The following CYYR1 variants were observed in gnomAD, a reference collection of about 807,000 sequenced individuals.
CYYR1 encodes the protein cysteine and tyrosine rich 1, also known as cysteine and tyrosine-rich protein 1.
A neutral mutation model predicts 15.2 loss-of-function variants in CYYR1; 14 were observed. That is an observed-to-expected ratio of 0.92 (90% CI 0.61 to 1.44). The LOEUF (loss-of-function observed/expected upper bound fraction) is 1.44. CYYR1 is among the 40% of genes most tolerant of loss of function. The pLI, the probability that CYYR1 is intolerant of heterozygous loss-of-function variation, is 0.00. For missense variants in CYYR1, 228 were observed against 209.5 expected, an observed-to-expected ratio of 1.09 and a Z score of -0.54; for synonymous variants, 80 against 77.4, an observed-to-expected ratio of 1.03 and a Z score of -0.18.
Position 26,468,489 on chromosome 21 carries a change from CT to C in CYYR1, c.*11del, listed in dbSNP as rs749008286. 1 of 1,497,822 alleles carries C rather than the reference CT, an allele frequency of 6.7e-7. No individual in the cohort carries two copies. Among genetic ancestry groups the C allele is most frequent in the Non-Finnish European group, 9.3e-7 (1 of 1,073,900 alleles). 92.8% of individuals were successfully genotyped at this position (1,497,822 alleles called of 1,614,324 possible). A position where few individuals can be genotyped will look rare whatever the true frequency, so the allele number is the denominator to read the frequency against. On this transcript the variant is annotated 3_prime_UTR_variant, in exon 4 of 4. Coordinates refer to ENST00000652641, the MANE Select transcript of CYYR1 (RefSeq NM_001320768.2). ...ATCGCCCATTGGCACATGTTCTGTT[CT>C]GGGAGATAGATTATTTCCTTGCGTT...
intron 2 of CYYR1, chr21:26,483,314 C>T (rs1374816661): frequency 2.7e-5 from 8 of 294,852 alleles, no homozygotes; most frequent in East Asian, 3.4e-4. Flanking sequence ...TGTATTTCCT[C>T]GTCCTGTCTG....
At chr21:26,486,053 T>C (rs780929620) in intron 2 of CYYR1, among the ~76,000 whole-genome samples, 2 of 152,080 alleles carry the variant, frequency 1.3e-5, no homozygotes, top group African/African-American at 2.4e-5. Context: ...TTGAACATGT[T>C]TTCGAAAGCT....
chr21:26,556,825 CAAACCTATCA>C (rs1415151864), intron 2 of CYYR1, among the ~76,000 whole-genome samples: 1 of 152,208 alleles, frequency 6.6e-6, no homozygotes, highest in East Asian at 1.9e-4. Context: ...GACACAAATC[CAAACCTATCA>C]AATAGAGAAG....
At chr21:26,518,570 A>G (rs968663953) in intron 2 of CYYR1, 6 of 152,514 alleles carry the variant, frequency 3.9e-5, no homozygotes, top group Non-Finnish European at 1.5e-5. Flanking sequence ...ATCATGAGCC[A>G]AATAAACCTC....
intron 2 of CYYR1, among the ~76,000 whole-genome samples, chr21:26,505,804 TA>T (rs35544892): frequency 0.31 from 46,871 of 151,618 alleles, 7,447 homozygotes; most frequent in Non-Finnish European, 0.33. Context: ...ATACATATTT[TA>T]AAAAAAAAGG....
chr21:26,514,876 A>C (rs1410784772), intron 2 of CYYR1, among the ~76,000 whole-genome samples: 1 of 152,258 alleles, frequency 6.6e-6, no homozygotes, highest in Non-Finnish European at 1.5e-5. Flanking sequence ...GGCAGGCCTA[A>C]GTGAACCCAA....
chr21:26,543,998 G>C (rs974073877), intron 2 of CYYR1, among the ~76,000 whole-genome samples: 3 of 152,142 alleles, frequency 2.0e-5, no homozygotes, highest in Admixed American at 1.3e-4. Flanking sequence ...ACCCTGGAAA[G>C]CTATTGTGCT....
intron 2 of CYYR1, among the ~76,000 whole-genome samples, chr21:26,508,479 A>T (rs771795067): frequency 1.3e-5 from 2 of 152,196 alleles, no homozygotes; most frequent in Non-Finnish European, 2.9e-5. Flanking sequence ...AATGGTTACC[A>T]ATCTTTGCGG....
At chr21:26,513,861 C>G (rs1242073859) in intron 2 of CYYR1, among the ~76,000 whole-genome samples, 1 of 132,798 alleles carries the variant, frequency 7.5e-6, no homozygotes, top group Non-Finnish European at 1.5e-5. Context: ...GGGAATTGAA[C>G]AATGAGAACA....
chr21:26,544,901 T>C (rs999956877), intron 2 of CYYR1, among the ~76,000 whole-genome samples: 4 of 151,912 alleles, frequency 2.6e-5, no homozygotes, highest in South Asian at 2.1e-4. Flanking sequence ...AAACTGTGAT[T>C]ACCCCACTGC....
chr21:26,569,814 T>C (rs978801136), intron 1 of CYYR1, among the ~76,000 whole-genome samples: 1 of 151,996 alleles, frequency 6.6e-6, no homozygotes, highest in Non-Finnish European at 1.5e-5. Flanking sequence ...TATAAAGACA[T>C]GGTGTTATCA....
In CYYR1 at chr21:26,480,886, A is replaced by C. The variant is rs191255552; in HGVS notation, c.177-457T>G. On this transcript the variant is annotated intron_variant, in intron 2 of 3. Coordinates refer to ENST00000652641, the MANE Select transcript of CYYR1 (RefSeq NM_001320768.2). Reference sequence around the variant, plus strand: ...GAAATTTAACACTCATTCCTGATTAACACTCTTCATAGAACAAGAATATTT... The same window carrying C: ...GAAATTTAACACTCATTCCTGATTACCACTCTTCATAGAACAAGAATATTT... 4.2e-3 allele frequency among the ~76,000 whole-genome samples: 638 copies of C among 152,306 alleles called. 7 individuals carry two copies. The highest frequency in any genetic ancestry group is 3.9e-3 in the Non-Finnish European group (265 of 68,028).
intron 2 of CYYR1, among the ~76,000 whole-genome samples, chr21:26,537,622 G>A (rs1978316724): frequency 6.6e-6 from 1 of 152,062 alleles, no homozygotes; most frequent in African/African-American, 2.4e-5. Flanking sequence ...CCTTTCACTG[G>A]GCAAAGCAAA....
chr21:26,476,639 TTATC>T (rs766866628), intron 3 of CYYR1, among the ~76,000 whole-genome samples: 307 of 145,674 alleles, frequency 2.1e-3, no homozygotes, highest in Non-Finnish European at 3.6e-3. Context: ...TAATCTTCTA[TTATC>T]TATCTATCTA....
At chr21:26,523,437 T>C (rs1273277179) in intron 2 of CYYR1, among the ~76,000 whole-genome samples, 1 of 152,180 alleles carries the variant, frequency 6.6e-6, no homozygotes, top group Non-Finnish European at 1.5e-5. Flanking sequence ...ACCAATCAGA[T>C]CATTCCATTC....
intron 2 of CYYR1, among the ~76,000 whole-genome samples, chr21:26,555,093 A>C (rs1037476967): frequency 1.9e-4 from 29 of 152,070 alleles, no homozygotes; most frequent in African/African-American, 7.0e-4. Flanking sequence ...CCCAAGCCCG[A>C]TTTTTCTGTG....
chr21:26,564,633 A>C, intron 2 of CYYR1: 2 of 939,658 alleles, frequency 2.1e-6, no homozygotes, highest in Non-Finnish European at 2.5e-6. Flanking sequence ...CTGATTAATA[A>C]GTAGTTATGA....
intron 1 of CYYR1, 145 bp downstream of exon 1, chr21:26,572,723 C>A (rs1569183863): frequency 2.1e-6 from 2 of 957,196 alleles, no homozygotes; most frequent in Non-Finnish European, 3.0e-6. Flanking sequence ...GGGTTTCTGC[C>A]GTCGCCTCGC....
chr21:26,527,731 A>T (rs2065885001), intron 2 of CYYR1, among the ~76,000 whole-genome samples: 1 of 152,196 alleles, frequency 6.6e-6, no homozygotes, highest in South Asian at 2.1e-4. Context: ...GCCAAATTCA[A>T]AGCTAAATTC....
Sources: allele counts gnomAD v4.1 joint callset (sites outside exome capture counted in the v4.1 genomes callset), GRCh38; gene constraint gnomAD v4.1.1; transcripts MANE v1.5; gene names NCBI Gene and HGNC (gene_info 2026-07-23, HGNC 2026-07-21).